TXNRD1: variants seen among roughly 807,000 people sequenced by gnomAD.
TXNRD1 encodes the protein thioredoxin reductase 1, also known as thioredoxin reductase 1, cytoplasmic.
TXNRD1 carries 57 observed loss-of-function variants against 80.3 expected under a neutral mutation model. That is an observed-to-expected ratio of 0.71 (90% CI 0.57 to 0.89). TXNRD1 has a LOEUF of 0.89. TXNRD1 is among the 40% of genes least tolerant of loss of function. The pLI is 0.00. For synonymous variants in TXNRD1, 291 were observed against 285.2 expected (o/e 1.02, Z -0.20); for missense variants, 730 against 803.0 (o/e 0.91, Z 1.10).
Position 104,251,648 on chromosome 12 carries a change from C to T in TXNRD1, c.213C>T (p.Phe71=). 1 of 1,613,970 alleles carries T rather than the reference C, an allele frequency of 6.2e-7. No individual in the cohort carries two copies. Among genetic ancestry groups the T allele is most frequent in the Middle Eastern group, 1.6e-4 (1 of 6,062 alleles). The part of the protein sequence containing the change: ...AYIDGHSVVI[F]SRSTCTRCTE... ...TAGATGGTCACTCTGTGGTCATCTT[C>T]AGTAGGTCCACATGCACACGCTGTA... The change falls in exon 2 of 17, where the codon TTC becomes TTT. Residue 71 remains phenylalanine, a synonymous_variant. Coordinates refer to ENST00000525566, the MANE Select transcript of TXNRD1 (RefSeq NM_001093771.3).
chr12:104,254,644 A>AAAAAAAT lies in TXNRD1; in HGVS notation c.243+2967_243+2968insAAAAATA. Among the ~76,000 whole-genome samples, 7 of 93,636 alleles carry AAAAAAAT rather than the reference A, an allele frequency of 7.5e-5. 1 individual carries two copies. The highest frequency in any genetic ancestry group is 3.6e-4 in the African/African-American group (7 of 19,392). The allele number at this position is 93,636 out of a possible 152,430, so 61.4% of individuals were successfully genotyped here. A position where few individuals can be genotyped will look rare whatever the true frequency, so the allele number is the denominator to read the frequency against. ...CTATGTCTATGGAAAAAAAAAAAAA[A>AAAAAAAT]ATATATATATATATATATATATCAG... On this transcript the variant is annotated intron_variant, in intron 2 of 16. Coordinates refer to ENST00000525566, the MANE Select transcript of TXNRD1 (RefSeq NM_001093771.3).
At chr12:104,220,743 TG>T (rs1472326774) in intron 1 of TXNRD1, among the ~76,000 whole-genome samples, 164 of 7,790 alleles carry the variant, frequency 0.021, 4 homozygotes, top group African/African-American at 0.17. Context: ...AAAAAAACGG[TG>T]GGGGGGAGGC....
At chr12:104,317,783 C>G (rs377370480) in intron 7 of TXNRD1, among the ~76,000 whole-genome samples, 1 of 152,196 alleles carries the variant, frequency 6.6e-6, no homozygotes, top group Non-Finnish European at 1.5e-5. Flanking sequence ...CTGCAGTGAG[C>G]TGTGATTGAT....
intron 3 of TXNRD1, among the ~76,000 whole-genome samples, chr12:104,259,813 G>A (rs1056538693): frequency 3.9e-5 from 6 of 152,004 alleles, no homozygotes; most frequent in African/African-American, 9.7e-5. Flanking sequence ...AGGGTCAGGA[G>A]GAAGGAGGTA....
At chr12:104,239,908 A>G (rs12313776) in intron 1 of TXNRD1, among the ~76,000 whole-genome samples, 28,402 of 152,184 alleles carry the variant, frequency 0.19, 2,967 homozygotes, top group African/African-American at 0.28. Context: ...AGTCTAAACC[A>G]GCCTTGCATT....
At chr12:104,304,118 G>A (rs2034774916) in intron 4 of TXNRD1, 3 of 1,614,056 alleles carry the variant, frequency 1.9e-6, no homozygotes, top group South Asian at 2.2e-5. Context: ...CGTGAGCTCG[G>A]CGAACAACTC....
At chr12:104,341,410 A>AT (rs1277948574) in intron 16 of TXNRD1, among the ~76,000 whole-genome samples, 1 of 152,148 alleles carries the variant, frequency 6.6e-6, no homozygotes, top group Non-Finnish European at 1.5e-5. Flanking sequence ...CACAGCAGGG[A>AT]TTTGAGATAA....
Position 104,288,927 on chromosome 12 carries a change from A to C in TXNRD1, c.305-4A>C. On this transcript the variant is annotated splice_region_variant and splice_polypyrimidine_tract_variant and intron_variant, in intron 3 of 16. Coordinates refer to ENST00000525566, the MANE Select transcript of TXNRD1 (RefSeq NM_001093771.3). ...ACGCTCCGCTCTGCTTTTGTGCCACACAGAGGACGGTCGGGCCCTGGAAGG... is the reference window on the plus strand; with the variant it reads ...ACGCTCCGCTCTGCTTTTGTGCCACCCAGAGGACGGTCGGGCCCTGGAAGG... The C allele has an allele frequency of 6.2e-7, 1 of 1,614,022 alleles. No homozygotes were observed. The highest frequency in any genetic ancestry group is 1.6e-4 in the Middle Eastern group (1 of 6,062).
intron 14 of TXNRD1, among the ~76,000 whole-genome samples, chr12:104,333,814 G>A (rs564732723): frequency 3.3e-5 from 5 of 152,068 alleles, no homozygotes; most frequent in Admixed American, 6.6e-5. Flanking sequence ...GAAGCATTTA[G>A]CAAGAGAACT....
At chr12:104,315,741 A>G (rs1020487291) in intron 6 of TXNRD1, 36 bp from the exon 7 acceptor site, 72 of 1,592,248 alleles carry the variant, frequency 4.5e-5, no homozygotes, top group Non-Finnish European at 5.8e-5. Flanking sequence ...AGGCTTGGAA[A>G]GCAGGTTATA....
intron 1 of TXNRD1, among the ~76,000 whole-genome samples, chr12:104,246,145 C>CA (rs1445626728): frequency 4.3e-5 from 6 of 138,294 alleles, no homozygotes; most frequent in Non-Finnish European, 6.2e-5. Flanking sequence ...AAACTTTTCC[C>CA]AGCTGGGCAC....
chr12:104,326,105 A>G (rs1376050854), intron 11 of TXNRD1, among the ~76,000 whole-genome samples: 1 of 152,028 alleles, frequency 6.6e-6, no homozygotes. Flanking sequence ...TTAAGGCATT[A>G]TGAATTCTCT....
At chr12:104,226,976 C>T (rs187203381) in intron 1 of TXNRD1, among the ~76,000 whole-genome samples, 12 of 152,172 alleles carry the variant, frequency 7.9e-5, no homozygotes, top group Admixed American at 2.6e-4. Context: ...TAAGGAATAA[C>T]TTGCTTTAAA....
chr12:104,341,091 T>C (rs982342896), intron 16 of TXNRD1, among the ~76,000 whole-genome samples: 15 of 152,154 alleles, frequency 9.9e-5, no homozygotes, highest in African/African-American at 3.6e-4. Flanking sequence ...GCAGGGTGAC[T>C]GCCAGCTGAG....
chr12:104,215,900 C>A lies in TXNRD1; in HGVS notation c.91+7C>A. 1 of 1,550,972 alleles carries A rather than the reference C, an allele frequency of 6.4e-7. No individual in the cohort carries two copies. The highest frequency in any genetic ancestry group is 8.7e-7 in the Non-Finnish European group (1 of 1,146,778). On this transcript the variant is annotated splice_region_variant and intron_variant, in intron 1 of 16. Coordinates refer to ENST00000525566, the MANE Select transcript of TXNRD1 (RefSeq NM_001093771.3). Reference sequence around the variant, plus strand: ...GATGGCCGCCGTAGGTCAGGTACGACCGAGGGCGAAGGCCTGGTCCCCAGG... The same window carrying A: ...GATGGCCGCCGTAGGTCAGGTACGAACGAGGGCGAAGGCCTGGTCCCCAGG...
At chr12:104,266,129 G>A (rs10745997) in intron 3 of TXNRD1, among the ~76,000 whole-genome samples, 102,629 of 151,950 alleles carry the variant, frequency 0.68, 34,802 homozygotes, top group East Asian at 0.85. Context: ...GGCTCAGGTG[G>A]TCCTCCCACC....
intron 4 of TXNRD1, among the ~76,000 whole-genome samples, chr12:104,306,788 C>T (rs1350384559): frequency 6.6e-6 from 1 of 152,160 alleles, no homozygotes; most frequent in Non-Finnish European, 1.5e-5. Context: ...ACCATTTGAT[C>T]TCACTCATCC....
intron 3 of TXNRD1, among the ~76,000 whole-genome samples, chr12:104,279,058 A>G (rs1301126655): frequency 6.6e-6 from 1 of 152,184 alleles, no homozygotes; most frequent in African/African-American, 2.4e-5. Context: ...ACATGTGGCT[A>G]TGTACATCTA....
chr12:104,244,761 A>G (rs908091083), intron 1 of TXNRD1, among the ~76,000 whole-genome samples: 9 of 152,352 alleles, frequency 5.9e-5, no homozygotes, highest in Admixed American at 5.2e-4. Flanking sequence ...AATTTTTTGC[A>G]ATAGCTAATG....
Sources: allele counts gnomAD v4.1 joint callset (sites outside exome capture counted in the v4.1 genomes callset), GRCh38; gene constraint gnomAD v4.1.1; transcripts MANE v1.5; gene names NCBI Gene and HGNC (gene_info 2026-07-23, HGNC 2026-07-21).